Variants in PPP2R5C observed in about 807,000 individuals in gnomAD.
PPP2R5C encodes serine/threonine-protein phosphatase 2A 56 kDa regulatory subunit gamma isoform.
A neutral mutation model predicts 68.9 loss-of-function variants in PPP2R5C; 7 were observed. That is an observed-to-expected ratio of 0.10 (90% confidence interval 0.06 to 0.19). The LOEUF is 0.19. Ranked by LOEUF, PPP2R5C falls within the 10% of genes least tolerant of loss-of-function variation. PPP2R5C has a pLI of 1.00. For synonymous variants in PPP2R5C, 210 were observed against 222.2 expected, an observed-to-expected ratio of 0.95 and a Z score of 0.49; for missense variants, 348 against 641.3, an observed-to-expected ratio of 0.54 and a Z score of 4.94.
chr14:101,884,660 C>T (rs1175246440), intron 5 of PPP2R5C, among the ~76,000 whole-genome samples: 1 of 152,242 alleles, frequency 6.6e-6, no homozygotes, highest in Non-Finnish European at 1.5e-5. Flanking sequence ...CCCAGCCAGC[C>T]TCTGCTCAGC....
chr14:101,885,830 CATAAT>C (rs988644664), intron 5 of PPP2R5C, among the ~76,000 whole-genome samples: 4 of 152,198 alleles, frequency 2.6e-5, no homozygotes, highest in Non-Finnish European at 4.4e-5. Flanking sequence ...TCTATGAAAA[CATAAT>C]ATACATTATT....
At chr14:101,892,810 C>T (rs571675386) in intron 6 of PPP2R5C, among the ~76,000 whole-genome samples, 190 bp from the exon 9 acceptor site, 6 of 152,118 alleles carry the variant, frequency 3.9e-5, no homozygotes, top group East Asian at 3.9e-4. Flanking sequence ...CCTCGAACTC[C>T]GGGTTCAGAT....
intron 1 of PPP2R5C, among the ~76,000 whole-genome samples, chr14:101,850,144 C>A (rs566980062): frequency 1.3e-5 from 2 of 152,298 alleles, no homozygotes; most frequent in Admixed American, 1.3e-4. Context: ...AAGCTCCCCT[C>A]TGAGTCGGGG....
intron 1 of PPP2R5C, among the ~76,000 whole-genome samples, chr14:101,816,673 A>G (rs963244399): frequency 6.6e-6 from 1 of 151,802 alleles, no homozygotes. Context: ...TGCAGAATGA[A>G]GTATTAATAA....
chr14:101,801,753 T>C (rs2038870175), intron 3 of PPP2R5C, among the ~76,000 whole-genome samples: 1 of 152,244 alleles, frequency 6.6e-6, no homozygotes, highest in Non-Finnish European at 1.5e-5. Context: ...TGTTAAGATG[T>C]CAGTACTGCC....
intron 2 of PPP2R5C, chr14:101,765,433 T>A: frequency 3.3e-6 from 2 of 597,544 alleles, no homozygotes; most frequent in South Asian, 4.1e-5. Context: ...TTACCAAATA[T>A]GATTGACTCA....
At chr14:101,852,228 C>T (rs995314472) in intron 1 of PPP2R5C, among the ~76,000 whole-genome samples, 1 of 152,144 alleles carries the variant, frequency 6.6e-6, no homozygotes, top group African/African-American at 2.4e-5. Flanking sequence ...GAGTAACCCC[C>T]AGGCTCACCC....
intron 2 of PPP2R5C, among the ~76,000 whole-genome samples, chr14:101,785,548 C>T (rs1369704833): frequency 6.6e-6 from 1 of 152,166 alleles, no homozygotes; most frequent in South Asian, 2.1e-4. Context: ...TGTCCCATTG[C>T]CTTCTCTTGT....
chr14:101,793,502 G>T (rs1188762524), intron 3 of PPP2R5C, among the ~76,000 whole-genome samples: 3 of 152,252 alleles, frequency 2.0e-5, no homozygotes, highest in Non-Finnish European at 4.4e-5. Flanking sequence ...CACCCCTCGT[G>T]GGAGGGGAAG....
At chr14:101,892,010 G>A (rs2044963724) in intron 6 of PPP2R5C, among the ~76,000 whole-genome samples, 1 of 152,200 alleles carries the variant, frequency 6.6e-6, no homozygotes, top group Admixed American at 6.5e-5. Context: ...AGGCTGGAGT[G>A]CAGTGGCCCG....
At chr14:101,783,834 G>C (rs564450991) in intron 2 of PPP2R5C, among the ~76,000 whole-genome samples, 57 of 152,334 alleles carry the variant, frequency 3.7e-4, no homozygotes, top group African/African-American at 1.4e-3. Context: ...ACTGGAACAC[G>C]CACGTATGTG....
chr14:101,924,570 G>A (rs1472532400), intron 13 of PPP2R5C, among the ~76,000 whole-genome samples: 2 of 151,508 alleles, frequency 1.3e-5, no homozygotes, highest in Admixed American at 6.6e-5. Context: ...AGCCTTTCAA[G>A]TAGCTGGGAT....
intron 1 of PPP2R5C, chr14:101,824,010 C>A: frequency 1.6e-6 from 2 of 1,289,192 alleles, no homozygotes; most frequent in Non-Finnish European, 2.0e-6. Flanking sequence ...CATTGTCTCA[C>A]TAGGCACAGT....
exon 14 of PPP2R5C, chr14:101,926,705 G>GT (rs1468096946): frequency 2.6e-5 from 4 of 152,348 alleles, no homozygotes; most frequent in African/African-American, 9.7e-5. Flanking sequence ...TTTAGGATCT[G>GT]TTTTTTCATC....
intron 10 of PPP2R5C, among the ~76,000 whole-genome samples, chr14:101,908,762 T>C (rs2046212436): frequency 6.6e-6 from 1 of 152,134 alleles, no homozygotes; most frequent in Admixed American, 6.5e-5. Flanking sequence ...TAGTTTAGTA[T>C]GTAAGTCAGC....
chr14:101,848,903 A>C (rs1227128367), intron 1 of PPP2R5C, among the ~76,000 whole-genome samples: 2 of 152,238 alleles, frequency 1.3e-5, no homozygotes. Flanking sequence ...GTAGTGAATA[A>C]TTATAAAGCA....
At chr14:101,807,907 A>G (rs1195808622), upstream of PPP2R5C, among the ~76,000 whole-genome samples, 1 of 150,224 alleles carries the variant, frequency 6.7e-6, no homozygotes, top group Non-Finnish European at 1.5e-5. Flanking sequence ...ATTCCCACTC[A>G]TCAGCACAGT....
intron 2 of PPP2R5C, 34 bp downstream of exon 2, chr14:101,763,004 T>C: frequency 6.6e-7 from 1 of 1,515,028 alleles, no homozygotes; most frequent in Non-Finnish European, 9.0e-7. Flanking sequence ...TTGTATTTTA[T>C]ACACAGCTTT....
upstream of PPP2R5C, among the ~76,000 whole-genome samples, chr14:101,807,276 T>C (rs938205738): frequency 3.9e-5 from 6 of 152,208 alleles, no homozygotes; most frequent in African/African-American, 7.2e-5. Context: ...TGAGATATAC[T>C]CTTTATTATA....
Sources: allele counts gnomAD v4.1 joint callset (sites outside exome capture counted in the v4.1 genomes callset), GRCh38; gene constraint gnomAD v4.1.1; transcripts MANE v1.5; gene names NCBI Gene and HGNC (gene_info 2026-07-23, HGNC 2026-07-21).